ERICH1: variants seen among roughly 807,000 people sequenced by gnomAD.
ERICH1 encodes glutamate rich 1.
ERICH1 carries 56 observed loss-of-function variants against 39.6 expected under a neutral mutation model. The ratio of observed to expected loss-of-function variants is 1.41; its 90% CI spans 1.14 to 1.77. ERICH1 has a LOEUF of 1.77. ERICH1 is among the 40% of genes most tolerant of loss of function. The pLI is 0.00. For synonymous variants in ERICH1, 313 were observed against 223.6 expected (o/e 1.40, Z -3.57); for missense variants, 826 against 575.4 (o/e 1.44, Z -4.45).
chr8:679,294 A>C (rs960702422), intron 3 of ERICH1, among the ~76,000 whole-genome samples: 3 of 133,404 alleles, frequency 2.2e-5, no homozygotes, highest in South Asian at 2.5e-4. Flanking sequence ...TGCTCACAGC[A>C]AGTGACCCCT....
intron 2 of ERICH1, among the ~76,000 whole-genome samples, chr8:697,829 G>C (rs1179556221): frequency 1.3e-5 from 2 of 152,238 alleles, no homozygotes; most frequent in African/African-American, 2.4e-5. Context: ...AGACACAGCA[G>C]AGTGCGTGAT....
chr8:624,871 T>C (rs995163057), intron 3 of ERICH1, among the ~76,000 whole-genome samples: 2 of 151,938 alleles, frequency 1.3e-5, no homozygotes, highest in African/African-American at 2.4e-5. Context: ...GGACTACAGG[T>C]GCCCGCCACC....
intron 2 of ERICH1, among the ~76,000 whole-genome samples, chr8:713,761 G>A (rs1256251010): frequency 6.6e-6 from 1 of 152,158 alleles, no homozygotes; most frequent in Non-Finnish European, 1.5e-5. Context: ...TCCATTATAA[G>A]GTGTGTGAAA....
At chr8:710,524 C>CCCCTGGG (rs1327234897) in intron 2 of ERICH1, among the ~76,000 whole-genome samples, 1 of 151,400 alleles carries the variant, frequency 6.6e-6, no homozygotes, top group Non-Finnish European at 1.5e-5. Context: ...TCCTGCAAGG[C>CCCCTGGG]CCCTGGGCTC....
Position 692,613 on chromosome 8 carries a change from C to G in ERICH1, c.170-1G>C. The G allele has an allele frequency of 2.5e-6, 4 of 1,579,330 alleles. No homozygotes were observed. The highest frequency in any genetic ancestry group is 1.4e-5 in the African/African-American group (1 of 73,498). On this transcript the variant is annotated splice_acceptor_variant, in intron 2 of 5. Coordinates refer to ENST00000262109, the MANE Select transcript of ERICH1 (RefSeq NM_207332.3). LOFTEE classifies it high-confidence loss of function. ...GCAGTCGGGGTCTCAGAGCCAGTGT[C>G]TGCAACACAGGAGGAAAATAACAGG...
chr8:729,132 G>C (rs572217430), intron 1 of ERICH1, among the ~76,000 whole-genome samples: 4 of 152,130 alleles, frequency 2.6e-5, no homozygotes. Context: ...TGCCTGATTC[G>C]CTGCCGCAGC....
intron 2 of ERICH1, among the ~76,000 whole-genome samples, chr8:693,175 CCA>C (rs749690457): frequency 6.6e-6 from 1 of 151,728 alleles, no homozygotes; most frequent in African/African-American, 2.4e-5. Context: ...CAGCCACAGA[CCA>C]CACACACAGG....
chr8:627,658 C>A (rs1284360686), intron 3 of ERICH1, among the ~76,000 whole-genome samples: 3 of 152,214 alleles, frequency 2.0e-5, no homozygotes, highest in Non-Finnish European at 2.9e-5. Context: ...TGCCTCCCTG[C>A]ACCACCTGAA....
intron 2 of ERICH1, among the ~76,000 whole-genome samples, chr8:707,627 C>G (rs868148048): frequency 3.9e-5 from 6 of 152,264 alleles, no homozygotes; most frequent in Middle Eastern, 6.8e-3. Context: ...CTACCTCACA[C>G]CATACACAAC....
chr8:628,816 C>T (rs562066636), intron 3 of ERICH1, among the ~76,000 whole-genome samples: 1 of 152,294 alleles, frequency 6.6e-6, no homozygotes, highest in East Asian at 1.9e-4. Context: ...TGAACGTTTC[C>T]TCGGCTCCCC....
At position 718,247 on chromosome 8, in the gene ERICH1, G is replaced by A. The variant is rs144937246; in HGVS notation, c.23-2240C>T. On this transcript the variant is annotated intron_variant, in intron 1 of 5. Coordinates refer to ENST00000262109, the MANE Select transcript of ERICH1 (RefSeq NM_207332.3). ...CACCAGGGTATGGATCGGAGTGCAC[G>A]GAGAAACCGCACAACACACCAGGGT... is the stretch of plus-strand genomic sequence containing the variant. Among the ~76,000 whole-genome samples the A allele has an allele frequency of 4.6e-4, 69 of 149,060 alleles. 1 individual carries two copies. In the East Asian group the frequency reaches 0.012, roughly 26 times the overall value.
intron 3 of ERICH1, chr8:627,285 G>C (rs745816948): frequency 2.2e-6 from 1 of 445,850 alleles, no homozygotes; most frequent in South Asian, 1.6e-5. Flanking sequence ...TTGAAAAGGG[G>C]TGTATAACAG....
chr8:675,231 G>C (rs113172378), intron 3 of ERICH1, among the ~76,000 whole-genome samples: 13 of 9,340 alleles, frequency 1.4e-3, no homozygotes, highest in South Asian at 7.5e-3. Context: ...AGACGCGGCG[G>C]CCCCTCGGCG....
chr8:720,691 T>C (rs1308234997), intron 1 of ERICH1, among the ~76,000 whole-genome samples: 1 of 152,148 alleles, frequency 6.6e-6, no homozygotes, highest in African/African-American at 2.4e-5. Flanking sequence ...GTCGTCAAAA[T>C]AAACTAAAGC....
chr8:616,371 C>G (rs1048190863), intron 3 of ERICH1: 1 of 352,754 alleles, frequency 2.8e-6, no homozygotes, highest in Non-Finnish European at 5.7e-6. Flanking sequence ...CAGGTGTGGG[C>G]GGCCGCCGTC....
chr8:640,023 T>A (rs754347571), intron 3 of ERICH1, among the ~76,000 whole-genome samples: 1 of 152,198 alleles, frequency 6.6e-6, no homozygotes, highest in Non-Finnish European at 1.5e-5. Flanking sequence ...GCCCGTGACA[T>A]GTCCCAAGCC....
intron 3 of ERICH1, among the ~76,000 whole-genome samples, chr8:623,370 A>G (rs1797404654): frequency 6.6e-6 from 1 of 152,364 alleles, no homozygotes; most frequent in South Asian, 2.1e-4. Context: ...TCAACAAACT[A>G]GAAATCGAAG....
At chr8:663,507 C>T (rs1033149086), downstream of ERICH1, among the ~76,000 whole-genome samples, 8 of 119,030 alleles carry the variant, frequency 6.7e-5, no homozygotes, top group African/African-American at 2.1e-4. Context: ...GTCTGGGACA[C>T]GGATGCTCAC....
intron 3 of ERICH1, among the ~76,000 whole-genome samples, chr8:676,348 GAC>G (rs1804753001): frequency 3.3e-5 from 1 of 29,960 alleles, no homozygotes; most frequent in Non-Finnish European, 6.9e-5. Flanking sequence ...CGAGGACAGA[GAC>G]GCGGCGGCCC....
Sources: allele counts gnomAD v4.1 joint callset (sites outside exome capture counted in the v4.1 genomes callset), GRCh38; gene constraint gnomAD v4.1.1; transcripts MANE v1.5; gene names NCBI Gene and HGNC (gene_info 2026-07-23, HGNC 2026-07-21).